GGT7: variants seen among roughly 807,000 people sequenced by gnomAD.
GGT7 encodes the protein gamma-glutamyltransferase 7.
A neutral mutation model predicts 69.2 loss-of-function variants in GGT7; 30 were observed. The ratio of observed to expected loss-of-function variants is 0.43; its 90% CI spans 0.32 to 0.59. The LOEUF is 0.59. Among genes scored for constraint, GGT7 ranks in the 20% least tolerant of loss-of-function variants. GGT7 has a pLI of 0.05. For missense variants in GGT7, 733 were observed against 901.1 expected (o/e 0.81, Z 2.39); for synonymous variants, 388 against 391.8 (o/e 0.99, Z 0.12).
At chr20:34,845,589 C>G (rs1425129828) in intron 14 of GGT7, 98 bp from the exon 15 acceptor site, 3 of 1,014,050 alleles carry the variant, frequency 3.0e-6, no homozygotes, top group Non-Finnish European at 4.5e-6. Context: ...GCTGCTCCAC[C>G]ACAGAGCTGT....
rs2079291909 is a variant in GGT7, at chr20:34,845,573, A to G, written c.1826-82T>C. On this transcript the variant is annotated intron_variant, in intron 14 of 14. Transcript: ENST00000336431. ...GTCCTACAGTCAGACCTGAGTCCTCATCCTGGCTGCTCCACCACAGAGCTG... is the reference window on the plus strand; with the variant it reads ...GTCCTACAGTCAGACCTGAGTCCTCGTCCTGGCTGCTCCACCACAGAGCTG... 5 of 1,209,912 alleles carry G rather than the reference A, an allele frequency of 4.1e-6. No homozygotes were observed. The African/African-American group carries it at 7.5e-5, about 18-fold the overall frequency. The allele number at this position is 1,209,912 out of a possible 1,614,324, so 74.9% of individuals were successfully genotyped here. A position where few individuals can be genotyped will look rare whatever the true frequency, so the allele number is the denominator to read the frequency against.
chr20:34,860,178 T>C (rs979542803), intron 5 of GGT7, 76 bp downstream of exon 5: 1 of 1,149,182 alleles, frequency 8.7e-7, no homozygotes, highest in Non-Finnish European at 1.3e-6. Flanking sequence ...AAAGGAAGAA[T>C]CCAGGGAAGT....
intron 1 of GGT7, among the ~76,000 whole-genome samples, chr20:34,871,073 A>C (rs1188371807): frequency 6.6e-6 from 1 of 152,180 alleles, no homozygotes; most frequent in African/African-American, 2.4e-5. Context: ...CGGCCTATGG[A>C]TAAGGTCTTG....
chr20:34,871,672 G>T (rs965311774), intron 1 of GGT7, among the ~76,000 whole-genome samples: 2 of 152,252 alleles, frequency 1.3e-5, no homozygotes, highest in Non-Finnish European at 2.9e-5. Context: ...GAAGGGCCAA[G>T]CCGGAAAAGC....
Position 34,863,691 on chromosome 20 carries a change from T to A in GGT7, c.170-143A>T. 1.4e-6 allele frequency: 1 copy of A among 735,270 alleles called. No individual in the cohort carries two copies. The highest frequency in any genetic ancestry group is 2.5e-6 in the Non-Finnish European group (1 of 402,188). 45.5% of individuals were successfully genotyped at this position (735,270 alleles called of 1,614,324 possible). On this transcript the variant is annotated intron_variant, in intron 1 of 14. Coordinates refer to ENST00000336431, the MANE Select transcript of GGT7 (RefSeq NM_178026.3). The surrounding 1 kb of genome is among the most constrained non-coding windows in gnomAD (Gnocchi z 4.4). The stretch of plus-strand genomic sequence containing the variant: ...CTAGCACTACTCACCTTTCCTCATT[T>A]TCGCGTGCACCCCAGGACAGGCGGG...
intron 1 of GGT7, among the ~76,000 whole-genome samples, chr20:34,869,467 C>A (rs996770933): frequency 2.0e-5 from 3 of 152,118 alleles, no homozygotes; most frequent in African/African-American, 7.2e-5. Flanking sequence ...CCACTATGCC[C>A]GGCAGAATCA....
chr20:34,869,711 AAGG>A (rs1440872375), intron 1 of GGT7, among the ~76,000 whole-genome samples: 3 of 152,150 alleles, frequency 2.0e-5, no homozygotes, highest in African/African-American at 7.2e-5. Flanking sequence ...ATGAGAAGAA[AAGG>A]AGGAGTCCAG....
intron 4 of GGT7, 70 bp from the exon 5 acceptor site, chr20:34,860,391 C>T (rs1012518244): frequency 1.9e-5 from 22 of 1,170,592 alleles, no homozygotes; most frequent in African/African-American, 9.0e-5. Flanking sequence ...GGCTGAACTC[C>T]GCAGAGCCCC....
At position 34,859,994 on chromosome 20, in the gene GGT7, A is replaced by G. The variant is rs751810098; in HGVS notation, c.792T>C (p.Asp264=). The G allele has an allele frequency of 7.7e-6, 12 of 1,563,824 alleles. No individual in the cohort carries two copies. The highest frequency in any genetic ancestry group is 1.0e-5 in the Non-Finnish European group (12 of 1,153,566). The part of the protein sequence containing the change: ...VLAFAAAVAQ[D]GFNVTHDLAR... ...CTAGATCATGAGTCACGTTGAAGCC[A>G]TCTTGGGCCACAGCTGCTGCAAAGG... is the stretch of plus-strand genomic sequence containing the variant. Residue 264 remains aspartate, a synonymous_variant, in exon 6 of 15, where the codon GAT becomes GAC. Transcript: ENST00000336431.
intron 3 of GGT7, among the ~76,000 whole-genome samples, chr20:34,862,275 G>C (rs533469094): frequency 5.9e-5 from 9 of 152,338 alleles, no homozygotes; most frequent in African/African-American, 2.2e-4. Context: ...GATTGTTCAA[G>C]AGATGTTGGA....
intron 10 of GGT7, among the ~76,000 whole-genome samples, 153 bp downstream of exon 10, chr20:34,854,378 G>A (rs2079451886): frequency 6.6e-6 from 1 of 152,184 alleles, no homozygotes; most frequent in Middle Eastern, 3.2e-3. Context: ...TGAGGTGCAG[G>A]GAGAGGCACC....
chr20:34,858,183 CT>C (rs1461322159), intron 7 of GGT7, among the ~76,000 whole-genome samples: 3 of 152,164 alleles, frequency 2.0e-5, no homozygotes, highest in Non-Finnish European at 4.4e-5. Context: ...GAAAAATGCT[CT>C]TTCTCTGGGA....
chr20:34,854,903 G>C lies in GGT7; in HGVS notation c.1123C>G (p.Pro375Ala). 2.5e-6 allele frequency: 4 copies of C among 1,613,934 alleles called. No individual in the cohort carries two copies. The highest frequency in any genetic ancestry group is 3.4e-6 in the Non-Finnish European group (4 of 1,179,954). Residue 375 changes from proline (P) to alanine (A), a missense_variant, in exon 9 of 15, where the codon CCA becomes GCA. Physicochemically the swap from Pro to Ala is conservative, Grantham distance 27. Transcript: ENST00000336431. ...VYRGHLVLSP[P>A]PPHTGPALIS... ...AGGGCAGGGCCCGTGTGCGGAGGTGGGGGACTAAGAACCAGGTGGCCTGAA... is the reference window on the plus strand; with the variant it reads ...AGGGCAGGGCCCGTGTGCGGAGGTGCGGGACTAAGAACCAGGTGGCCTGAA...
intron 3 of GGT7, among the ~76,000 whole-genome samples, chr20:34,862,462 C>T (rs2079613467): frequency 6.6e-6 from 1 of 151,814 alleles, no homozygotes; most frequent in Admixed American, 6.6e-5. Flanking sequence ...GGGTGCAAGG[C>T]TTTTCATCAG....
chr20:34,855,782 T>C (rs2079480047), intron 8 of GGT7, among the ~76,000 whole-genome samples: 1 of 145,896 alleles, frequency 6.9e-6, no homozygotes, highest in African/African-American at 2.7e-5. Context: ...TTGTTCTTTT[T>C]TCTTTTCTGT....
Position 34,851,716 on chromosome 20 carries a change from C to T in GGT7, c.1588-348G>A, listed in dbSNP as rs962353334. On this transcript the variant is annotated intron_variant, in intron 12 of 14. Coordinates refer to ENST00000336431, the MANE Select transcript of GGT7 (RefSeq NM_178026.3). ...TTTGCCCTGCTGGGGCCCCAGATGGCGGGGTGTAAGAGTGCTGATTTTTAA... is the reference window on the plus strand; with the variant it reads ...TTTGCCCTGCTGGGGCCCCAGATGGTGGGGTGTAAGAGTGCTGATTTTTAA... Among the ~76,000 whole-genome samples the T allele has an allele frequency of 3.3e-5, 5 of 152,120 alleles. No individual in the cohort carries two copies. The East Asian group carries it at 5.8e-4, about 18-fold the overall frequency.
At chr20:34,860,191 G>A (rs1483167076) in intron 5 of GGT7, 63 bp downstream of exon 5, 1 of 1,265,790 alleles carries the variant, frequency 7.9e-7, no homozygotes, top group Non-Finnish European at 1.2e-6. Context: ...AGGGAAGTAG[G>A]AGAAGGCCAC....
chr20:34,866,438 T>A (rs62212082), intron 1 of GGT7, among the ~76,000 whole-genome samples: 36,993 of 151,634 alleles, frequency 0.24, 4,753 homozygotes, highest in South Asian at 0.37. Flanking sequence ...GCAACATAGA[T>A]AGACCCTGTC....
intron 7 of GGT7, 106 bp downstream of exon 7, chr20:34,859,337 A>C: frequency 1.3e-6 from 1 of 764,992 alleles, no homozygotes; most frequent in Non-Finnish European, 2.0e-6. Context: ...TAAATAATAT[A>C]GAAAGAAAGG....
Sources: allele counts gnomAD v4.1 joint callset (sites outside exome capture counted in the v4.1 genomes callset), GRCh38; gene constraint gnomAD v4.1.1; non-coding constraint Gnocchi (gnomAD v3.1); transcripts MANE v1.5; gene names NCBI Gene and HGNC (gene_info 2026-07-23, HGNC 2026-07-21).